Variants in ARSJ observed in about 807,000 individuals in gnomAD.
ARSJ encodes arylsulfatase family member J, also known as arylsulfatase J.
ARSJ carries 26 observed loss-of-function variants against 35.9 expected under a neutral mutation model. That is an observed-to-expected ratio of 0.72 (90% CI 0.53 to 1.00). The LOEUF (loss-of-function observed/expected upper bound fraction) is 1.00, where lower values mean the gene tolerates loss of function less well. Among genes scored for constraint, ARSJ ranks in the 50% least tolerant of loss-of-function variants. The pLI is 0.00. For synonymous variants in ARSJ, 294 were observed against 267.6 expected, an observed-to-expected ratio of 1.10 and a Z score of -0.96; for missense variants, 667 against 723.6, an observed-to-expected ratio of 0.92 and a Z score of 0.90.
intron 1 of ARSJ, among the ~76,000 whole-genome samples, chr4:113,911,104 A>G (rs1048647967): frequency 6.6e-6 from 1 of 152,200 alleles, no homozygotes; most frequent in Non-Finnish European, 1.5e-5. Flanking sequence ...GGAGCCATCC[A>G]GGTGAAGAGT....
chr4:113,933,893 C>G (rs921162530), intron 1 of ARSJ, among the ~76,000 whole-genome samples: 2 of 151,348 alleles, frequency 1.3e-5, no homozygotes, highest in Admixed American at 1.3e-4. Flanking sequence ...CTGGCCAGAG[C>G]AATTAGGCAA....
chr4:113,904,603 C>T (rs544762898), intron 1 of ARSJ, among the ~76,000 whole-genome samples: 1 of 152,140 alleles, frequency 6.6e-6, no homozygotes, highest in Admixed American at 6.5e-5. Flanking sequence ...TCCTGCCTCA[C>T]CCTCCGGAGT....
chr4:113,969,302 C>G (rs1474909769), intron 1 of ARSJ, among the ~76,000 whole-genome samples: 3 of 152,122 alleles, frequency 2.0e-5, no homozygotes, highest in African/African-American at 7.2e-5. Context: ...CTAACAATAT[C>G]ATGCAGAACA....
At chr4:113,918,272 G>A (rs1434664398) in intron 1 of ARSJ, among the ~76,000 whole-genome samples, 1 of 152,068 alleles carries the variant, frequency 6.6e-6, no homozygotes, top group African/African-American at 2.4e-5. Flanking sequence ...TCTTCTATTA[G>A]AGCAGACATT....
At chr4:113,977,903 T>G (rs1379819491) in intron 1 of ARSJ, among the ~76,000 whole-genome samples, 1 of 152,172 alleles carries the variant, frequency 6.6e-6, no homozygotes, top group Non-Finnish European at 1.5e-5. Flanking sequence ...TTAGGGGGTC[T>G]CATAAGAGAA....
At chr4:113,910,831 G>C (rs1272622788) in intron 1 of ARSJ, among the ~76,000 whole-genome samples, 2 of 152,114 alleles carry the variant, frequency 1.3e-5, no homozygotes, top group Non-Finnish European at 2.9e-5. Flanking sequence ...AAGGAACTCA[G>C]TATAATTGGA....
intron 1 of ARSJ, among the ~76,000 whole-genome samples, chr4:113,940,408 A>C (rs1725074880): frequency 6.6e-6 from 1 of 152,162 alleles, no homozygotes; most frequent in Non-Finnish European, 1.5e-5. Flanking sequence ...CAAACAGTGC[A>C]TGTTCTCACT....
chr4:113,974,750 G>A (rs1176964072), intron 1 of ARSJ, among the ~76,000 whole-genome samples: 1 of 152,094 alleles, frequency 6.6e-6, no homozygotes, highest in Non-Finnish European at 1.5e-5. Flanking sequence ...ATCACTTTGG[G>A]AAACTTGAGC....
At chr4:113,959,057 T>C (rs1170813067) in intron 1 of ARSJ, among the ~76,000 whole-genome samples, 1 of 151,978 alleles carries the variant, frequency 6.6e-6, no homozygotes, top group African/African-American at 2.4e-5. Context: ...ATGACTTTCT[T>C]CTTAAAATAG....
chr4:113,952,213 C>CA (rs1256717234), intron 1 of ARSJ, among the ~76,000 whole-genome samples: 1 of 151,944 alleles, frequency 6.6e-6, no homozygotes, highest in African/African-American at 2.4e-5. Flanking sequence ...GGCACCACTG[C>CA]AAGAAATTTA....
chr4:113,928,163 T>C (rs559667114), intron 1 of ARSJ, among the ~76,000 whole-genome samples: 16 of 152,276 alleles, frequency 1.1e-4, no homozygotes, highest in Admixed American at 2.6e-4. Flanking sequence ...TTGGGTTCCC[T>C]GGAATTAATG....
chr4:113,972,929 C>G (rs748947625), intron 1 of ARSJ, among the ~76,000 whole-genome samples: 6 of 152,158 alleles, frequency 3.9e-5, no homozygotes, highest in Non-Finnish European at 8.8e-5. Flanking sequence ...TGGCTCTTGT[C>G]TCCCTTTAAA....
At chr4:113,952,430 C>T (rs1725918973) in intron 1 of ARSJ, among the ~76,000 whole-genome samples, 1 of 152,036 alleles carries the variant, frequency 6.6e-6, no homozygotes, top group African/African-American at 2.4e-5. Flanking sequence ...ACTAGTCTTC[C>T]ATATCCTTGC....
intron 1 of ARSJ, among the ~76,000 whole-genome samples, chr4:113,953,365 A>G (rs1234053427): frequency 6.6e-6 from 1 of 152,118 alleles, no homozygotes; most frequent in Non-Finnish European, 1.5e-5. Flanking sequence ...AGTCCTTCAC[A>G]GATTTGAAGT....
At chr4:113,904,691 G>A (rs1256885473) in intron 1 of ARSJ, among the ~76,000 whole-genome samples, 2 of 152,036 alleles carry the variant, frequency 1.3e-5, no homozygotes, top group African/African-American at 4.8e-5. Context: ...GGGTTTCACC[G>A]TAGCAGCCAG....
chr4:113,974,122 A>G (rs557811017), intron 1 of ARSJ, among the ~76,000 whole-genome samples: 2 of 152,314 alleles, frequency 1.3e-5, no homozygotes, highest in African/African-American at 4.8e-5. Context: ...CATTTACACC[A>G]TACTAAAAAC....
At chr4:113,968,268 A>T (rs190000998) in intron 1 of ARSJ, among the ~76,000 whole-genome samples, 1 of 152,324 alleles carries the variant, frequency 6.6e-6, no homozygotes, top group Admixed American at 6.5e-5. Context: ...TGATAAATAT[A>T]TGAGAGATAT....
At chr4:113,912,476 A>G (rs192795284) in intron 1 of ARSJ, among the ~76,000 whole-genome samples, 72 of 152,268 alleles carry the variant, frequency 4.7e-4, no homozygotes, top group African/African-American at 1.6e-3. Context: ...GATGGTAAGC[A>G]TACACTATTT....
intron 1 of ARSJ, among the ~76,000 whole-genome samples, chr4:113,920,559 C>T (rs1026377244): frequency 1.8e-4 from 28 of 152,146 alleles, no homozygotes; most frequent in African/African-American, 6.8e-4. Context: ...TTCTCTAAGT[C>T]AATGACTTTT....
Sources: allele counts gnomAD v4.1 joint callset (sites outside exome capture counted in the v4.1 genomes callset), GRCh38; gene constraint gnomAD v4.1.1; transcripts MANE v1.5; gene names NCBI Gene and HGNC (gene_info 2026-07-23, HGNC 2026-07-21).